Variants in OPN5 observed in about 807,000 individuals in gnomAD.
OPN5 encodes opsin-5.
OPN5 carries 18 observed loss-of-function variants against 41.7 expected under a neutral mutation model. That is an observed-to-expected ratio of 0.43 (90% CI 0.30 to 0.64). The LOEUF (loss-of-function observed/expected upper bound fraction) is 0.64. Ranked by LOEUF, OPN5 falls within the 30% of genes least tolerant of loss-of-function variation. OPN5 has a pLI of 0.13. For synonymous variants in OPN5, 178 were observed against 164.3 expected (o/e 1.08, Z -0.64); for missense variants, 318 against 434.5 (o/e 0.73, Z 2.38).
At chr6:47,804,995 T>G (rs1396582980) in intron 4 of OPN5, among the ~76,000 whole-genome samples, 1 of 152,208 alleles carries the variant, frequency 6.6e-6, no homozygotes, top group Non-Finnish European at 1.5e-5. Flanking sequence ...GAAAACAGCT[T>G]TTGGGATACT....
intron 3 of OPN5, among the ~76,000 whole-genome samples, chr6:47,792,911 C>T (rs751758184): frequency 9.9e-5 from 15 of 151,220 alleles, no homozygotes; most frequent in Non-Finnish European, 2.1e-4. Flanking sequence ...TCCCCAAACT[C>T]CAAAGAATCC....
chr6:47,818,504 T>C (rs181633111), intron 6 of OPN5, among the ~76,000 whole-genome samples: 1 of 152,354 alleles, frequency 6.6e-6, no homozygotes, highest in East Asian at 1.9e-4. Flanking sequence ...GCTAGTGTTT[T>C]GCAGAAACTC....
chr6:47,824,178 C>T (rs1329405780), exon 7 of OPN5: 8 of 602,982 alleles, frequency 1.3e-5, no homozygotes, highest in African/African-American at 1.3e-4. Flanking sequence ...AGTATCTTAA[C>T]TGAGTTATCT....
chr6:47,798,050 G>T (rs776296488), intron 4 of OPN5, among the ~76,000 whole-genome samples: 7 of 151,794 alleles, frequency 4.6e-5, no homozygotes, highest in Non-Finnish European at 1.0e-4. Context: ...CCTAGATCAG[G>T]TTAAATGAAA....
chr6:47,824,550 CCT>C (rs1185678180), exon 7 of OPN5: 1 of 152,602 alleles, frequency 6.6e-6, no homozygotes, highest in Admixed American at 6.5e-5. Context: ...CATCTGAGCA[CCT>C]CTCAAGTTTT....
intron 6 of OPN5, among the ~76,000 whole-genome samples, chr6:47,813,251 C>T (rs951875258): frequency 6.6e-6 from 1 of 152,134 alleles, no homozygotes. Context: ...GCACGTGGCA[C>T]GTCAGATAGA....
intron 1 of OPN5, among the ~76,000 whole-genome samples, chr6:47,783,823 T>C (rs2113944996): frequency 6.6e-6 from 1 of 152,244 alleles, no homozygotes; most frequent in East Asian, 1.9e-4. Flanking sequence ...GGCAGAAAAA[T>C]AAGCAACTTG....
At chr6:47,810,733 T>C (rs1269043056) in intron 5 of OPN5, among the ~76,000 whole-genome samples, 2 of 152,168 alleles carry the variant, frequency 1.3e-5, no homozygotes, top group South Asian at 2.1e-4. Context: ...CTCTGAGATT[T>C]TGGTAGAAGT....
chr6:47,794,396 C>T (rs1244101527), intron 3 of OPN5, among the ~76,000 whole-genome samples: 2 of 152,190 alleles, frequency 1.3e-5, no homozygotes, highest in Non-Finnish European at 1.5e-5. Context: ...CCTGTGGAGG[C>T]TGCTGCACTA....
At chr6:47,812,996 G>C (rs1762298185) in intron 6 of OPN5, among the ~76,000 whole-genome samples, 1 of 152,020 alleles carries the variant, frequency 6.6e-6, no homozygotes, top group South Asian at 2.1e-4. Context: ...TGTGGGATGA[G>C]GAATGACTTG....
At chr6:47,788,138 C>T (rs1197991212) in intron 2 of OPN5, among the ~76,000 whole-genome samples, 2 of 152,214 alleles carry the variant, frequency 1.3e-5, no homozygotes, top group East Asian at 3.9e-4. Flanking sequence ...AAGAGCAAGA[C>T]ATGCCTGGTT....
intron 6 of OPN5, among the ~76,000 whole-genome samples, chr6:47,813,059 C>G (rs984233540): frequency 1.4e-5 from 2 of 145,228 alleles, no homozygotes; most frequent in Non-Finnish European, 3.0e-5. Context: ...AAAACATGCT[C>G]TATGATTAAA....
chr6:47,795,478 C>G (rs777348536), exon 4 of OPN5: 2 of 1,613,864 alleles, frequency 1.2e-6, no homozygotes, highest in South Asian at 2.2e-5. Context: ...AAGATCATTG[C>G]CAAGGTTAAG....
intron 2 of OPN5, 61 bp downstream of exon 2, chr6:47,786,695 C>T (rs1773203231): frequency 1.4e-6 from 2 of 1,481,264 alleles, no homozygotes; most frequent in Non-Finnish European, 1.9e-6. Context: ...CTAAAGTACT[C>T]ACTGTCTCAA....
chr6:47,793,213 A>G (rs1047562521), intron 3 of OPN5, among the ~76,000 whole-genome samples: 1 of 152,126 alleles, frequency 6.6e-6, no homozygotes, highest in Non-Finnish European at 1.5e-5. Flanking sequence ...AAACTTCCTG[A>G]GAGTGTTTGA....
At chr6:47,798,069 A>G (rs1471621266) in intron 4 of OPN5, among the ~76,000 whole-genome samples, 1 of 152,080 alleles carries the variant, frequency 6.6e-6, no homozygotes, top group Non-Finnish European at 1.5e-5. Context: ...AATGTTAAAC[A>G]AAGTGTAGGA....
intron 4 of OPN5, among the ~76,000 whole-genome samples, chr6:47,799,717 C>G (rs575676591): frequency 2.6e-5 from 4 of 152,154 alleles, no homozygotes; most frequent in Non-Finnish European, 5.9e-5. Flanking sequence ...TTCTTCCACC[C>G]TGACCCCGGG....
chr6:47,814,150 G>A (rs1252940316), intron 6 of OPN5, among the ~76,000 whole-genome samples: 2 of 151,956 alleles, frequency 1.3e-5, no homozygotes, highest in African/African-American at 4.8e-5. Context: ...TGAAGAAAGT[G>A]AAGTGAAGGA....
intron 4 of OPN5, among the ~76,000 whole-genome samples, chr6:47,804,907 A>G (rs145459092): frequency 6.6e-5 from 10 of 152,366 alleles, no homozygotes; most frequent in African/African-American, 2.4e-4. Flanking sequence ...CTCTAAAAGT[A>G]GAAAACACGT....
Sources: allele counts gnomAD v4.1 joint callset (sites outside exome capture counted in the v4.1 genomes callset), GRCh38; gene constraint gnomAD v4.1.1; transcripts MANE v1.5; gene names NCBI Gene and HGNC (gene_info 2026-07-23, HGNC 2026-07-21).